Variants in DAB1 observed in about 807,000 individuals in gnomAD.
The protein encoded by DAB1 is disabled homolog 1.
Under a neutral mutation model 64.6 loss-of-function variants are expected in DAB1, and 15 were observed. The observed-to-expected ratio is 0.23, with a 90% CI of 0.16 to 0.36. The LOEUF (loss-of-function observed/expected upper bound fraction) is 0.36. Among genes scored for constraint, DAB1 ranks in the 10% least tolerant of loss-of-function variants. DAB1 has a pLI of 1.00. For synonymous variants in DAB1, 235 were observed against 251.9 expected (o/e 0.93, Z 0.64); for missense variants, 596 against 706.7 (o/e 0.84, Z 1.78).
chr1:58,241,643 A>G (rs994789960), intron 4 of DAB1, among the ~76,000 whole-genome samples: 1 of 152,122 alleles, frequency 6.6e-6, no homozygotes, highest in Non-Finnish European at 1.5e-5. Context: ...GAATCATCTA[A>G]AAGAAAAATA....
intron 6 of DAB1, among the ~76,000 whole-genome samples, chr1:57,711,502 C>T (rs1226097544): frequency 6.6e-6 from 1 of 152,208 alleles, no homozygotes; most frequent in African/African-American, 2.4e-5. Context: ...AGTGAAACTG[C>T]TGCTTTGCAG....
intron 1 of DAB1, among the ~76,000 whole-genome samples, chr1:57,309,750 A>G (rs993409588): frequency 2.0e-5 from 3 of 152,206 alleles, no homozygotes; most frequent in Non-Finnish European, 4.4e-5. Context: ...TACATTACCC[A>G]TGTTGATCAT....
intron 4 of DAB1, among the ~76,000 whole-genome samples, chr1:58,299,199 A>C (rs1416073034): frequency 6.6e-6 from 1 of 152,184 alleles, no homozygotes; most frequent in African/African-American, 2.4e-5. Context: ...ACAGACGCTC[A>C]AACTAAGGCA....
intron 4 of DAB1, among the ~76,000 whole-genome samples, chr1:58,172,196 C>T (rs1198676610): frequency 1.3e-5 from 2 of 152,198 alleles, no homozygotes; most frequent in Non-Finnish European, 2.9e-5. Flanking sequence ...TTTAAGCCTT[C>T]CCAAAGGACA....
chr1:57,976,226 C>A (rs746727450), intron 5 of DAB1, among the ~76,000 whole-genome samples: 1 of 152,168 alleles, frequency 6.6e-6, no homozygotes, highest in Non-Finnish European at 1.5e-5. Flanking sequence ...GCCCATCTCC[C>A]TTCCGGCTCT....
intron 5 of DAB1, among the ~76,000 whole-genome samples, chr1:58,072,400 C>T (rs1649332415): frequency 6.6e-6 from 1 of 152,132 alleles, no homozygotes; most frequent in Non-Finnish European, 1.5e-5. Context: ...AAGCAAAAAA[C>T]CCTAGTTTTC....
chr1:58,524,616 C>T (rs1646321153), intron 2 of DAB1, among the ~76,000 whole-genome samples: 1 of 152,122 alleles, frequency 6.6e-6, no homozygotes. Context: ...TTTTCTTTTC[C>T]TTTTTTCAAC....
intron 8 of DAB1, among the ~76,000 whole-genome samples, chr1:57,068,931 G>T (rs555945621): frequency 2.4e-4 from 37 of 152,242 alleles, no homozygotes; most frequent in African/African-American, 7.7e-4. Flanking sequence ...CTTTCATTCA[G>T]TTAATATTCT....
At chr1:57,474,352 C>A (rs1359371953) in intron 7 of DAB1, among the ~76,000 whole-genome samples, 1 of 152,150 alleles carries the variant, frequency 6.6e-6, no homozygotes, top group Non-Finnish European at 1.5e-5. Flanking sequence ...CATCTTACAG[C>A]CACGAAAACA....
At chr1:57,025,843 A>G (rs1374840741) in intron 10 of DAB1, 138 bp downstream of exon 10, 1 of 677,394 alleles carries the variant, frequency 1.5e-6, no homozygotes, top group Non-Finnish European at 2.5e-6. Context: ...TAGTTTGTCC[A>G]AGTCACACAG....
chr1:57,305,353 CAG>C (rs1674047016), intron 1 of DAB1, among the ~76,000 whole-genome samples: 1 of 152,220 alleles, frequency 6.6e-6, no homozygotes, highest in South Asian at 2.1e-4. Flanking sequence ...ATCAAAAATA[CAG>C]AGACTTTTCT....
chr1:57,645,462 T>C (rs563761731), intron 7 of DAB1, among the ~76,000 whole-genome samples: 34 of 152,310 alleles, frequency 2.2e-4, no homozygotes, highest in African/African-American at 7.9e-4. Flanking sequence ...TAAGACCAGC[T>C]ATAGAGTAGG....
chr1:57,171,325 G>T (rs1248829035), intron 2 of DAB1, among the ~76,000 whole-genome samples: 1 of 152,208 alleles, frequency 6.6e-6, no homozygotes, highest in African/African-American at 2.4e-5. Context: ...ATGAATAAGT[G>T]AGGTGGTTTG....
At chr1:57,067,723 TG>T (rs1402618079) in intron 8 of DAB1, among the ~76,000 whole-genome samples, 1 of 152,222 alleles carries the variant, frequency 6.6e-6, no homozygotes, top group East Asian at 1.9e-4. Flanking sequence ...ATTTTACAGA[TG>T]AGTAAACTGA....
intron 9 of DAB1, among the ~76,000 whole-genome samples, chr1:57,058,401 T>A (rs1200322235): frequency 6.6e-6 from 1 of 152,238 alleles, no homozygotes; most frequent in Admixed American, 6.5e-5. Context: ...TAGGCATTCA[T>A]TTGTTCATTC....
intron 5 of DAB1, among the ~76,000 whole-genome samples, chr1:57,936,921 T>C (rs1345006736): frequency 6.6e-6 from 1 of 152,098 alleles, no homozygotes; most frequent in Admixed American, 6.5e-5. Flanking sequence ...CCAGCCACAC[T>C]GGCCTCCTTT....
intron 1 of DAB1, among the ~76,000 whole-genome samples, chr1:57,296,642 T>C (rs867662264): frequency 2.6e-5 from 4 of 152,264 alleles, no homozygotes; most frequent in African/African-American, 7.2e-5. Flanking sequence ...TAAATACCGA[T>C]ATAATTAAGG....
chr1:58,104,369 G>A (rs1015185306), intron 5 of DAB1, among the ~76,000 whole-genome samples: 2 of 152,202 alleles, frequency 1.3e-5, no homozygotes, highest in Admixed American at 6.5e-5. Context: ...AGAGAAAAGC[G>A]GTGCTGTTCT....
intron 4 of DAB1, among the ~76,000 whole-genome samples, chr1:57,095,166 G>C (rs1203622812): frequency 1.3e-5 from 2 of 152,128 alleles, no homozygotes; most frequent in Admixed American, 1.3e-4. Flanking sequence ...GCACAGCAAG[G>C]CCACAGGACA....
Sources: gnomAD v4.1 joint callset for allele counts (sites outside exome capture counted in the v4.1 genomes callset) on GRCh38, gnomAD v4.1.1 for gene constraint, MANE v1.5 for transcripts, NCBI Gene and HGNC (gene_info 2026-07-23, HGNC 2026-07-21) for gene names.